Variants in CNGA3 observed in about 807,000 individuals in gnomAD.
The protein encoded by CNGA3 is cyclic nucleotide gated channel subunit alpha 3.
CNGA3 carries 42 observed loss-of-function variants against 46.6 expected under a neutral mutation model. The observed-to-expected ratio is 0.90, with a 90% CI of 0.70 to 1.17. The LOEUF is 1.17. Among genes scored for constraint, CNGA3 ranks in the 50% most tolerant of loss-of-function variants. The pLI is 0.00. For missense variants in CNGA3, 893 were observed against 890.7 expected (o/e 1.00, Z -0.03); for synonymous variants, 394 against 369.4 (o/e 1.07, Z -0.76).
Position 98,391,957 on chromosome 2 carries a change from A to G in CNGA3, c.660A>G (p.Val220=). 6.2e-7 allele frequency: 1 copy of G among 1,613,514 alleles called. No homozygotes were observed. The highest frequency in any genetic ancestry group is 8.5e-7 in the Non-Finnish European group (1 of 1,179,740). ...TCCTGTATGTCTTGGATGTGCTTGT[A>G]CGAGCTCGGACAGGTGAGTGTGCCC... The part of the protein sequence containing the change: ...ADVLYVLDVL[V]RARTGFLEQG... Residue 220 remains valine (V), a synonymous_variant, in exon 7 of 8, where the codon GTA becomes GTG. Transcript: ENST00000272602.
chr2:98,389,449 G>A (rs1173479726), intron 5 of CNGA3, among the ~76,000 whole-genome samples: 1 of 152,196 alleles, frequency 6.6e-6, no homozygotes, highest in African/African-American at 2.4e-5. Context: ...GGACTGAGCT[G>A]GGAGAGAAGG....
intron 1 of CNGA3, among the ~76,000 whole-genome samples, chr2:98,364,566 C>T (rs994155864): frequency 2.6e-5 from 4 of 152,090 alleles, no homozygotes; most frequent in African/African-American, 4.8e-5. Context: ...GACTCCTTAT[C>T]GAGCTTGCCA....
chr2:98,378,431 G>A (rs1402153009), intron 3 of CNGA3, among the ~76,000 whole-genome samples: 1 of 152,190 alleles, frequency 6.6e-6, no homozygotes, highest in Non-Finnish European at 1.5e-5. Flanking sequence ...CCGACTCACG[G>A]CAGGTGCTCA....
At chr2:98,374,645 T>A (rs1692365202) in intron 2 of CNGA3, among the ~76,000 whole-genome samples, 1 of 152,192 alleles carries the variant, frequency 6.6e-6, no homozygotes, top group Non-Finnish European at 1.5e-5. Context: ...TCCTCTCCTC[T>A]CTTCCCACCT....
chr2:98,360,272 C>T (rs571523859), intron 1 of CNGA3, among the ~76,000 whole-genome samples: 12 of 152,292 alleles, frequency 7.9e-5, no homozygotes, highest in Admixed American at 4.6e-4. Flanking sequence ...CCTAGTGGCC[C>T]TCAACAGGAG....
intron 5 of CNGA3, among the ~76,000 whole-genome samples, chr2:98,386,125 G>A (rs545953139): frequency 7.9e-5 from 12 of 152,260 alleles, no homozygotes; most frequent in African/African-American, 2.9e-4. Flanking sequence ...ACAGTGCCTG[G>A]TACATAGTAA....
At chr2:98,367,287 C>T (rs911225816) in intron 1 of CNGA3, among the ~76,000 whole-genome samples, 5 of 151,610 alleles carry the variant, frequency 3.3e-5, no homozygotes, top group African/African-American at 7.3e-5. Flanking sequence ...CTCCGCCTCC[C>T]GGGTTCACAC....
chr2:98,358,939 A>G (rs1240449082), intron 1 of CNGA3, among the ~76,000 whole-genome samples: 1 of 152,234 alleles, frequency 6.6e-6, no homozygotes, highest in Admixed American at 6.5e-5. Context: ...TAGCCCAAAT[A>G]TCTAAAAGTT....
intron 3 of CNGA3, 183 bp downstream of exon 3, chr2:98,377,983 G>A: frequency 2.0e-6 from 3 of 1,474,460 alleles, no homozygotes; most frequent in Non-Finnish European, 2.7e-6. Context: ...GATGTTCTGA[G>A]CTCAGAAAAG....
intron 4 of CNGA3, 120 bp from the exon 5 acceptor site, chr2:98,383,268 C>T: frequency 1.0e-6 from 1 of 955,262 alleles, no homozygotes; most frequent in Non-Finnish European, 1.7e-6. Context: ...GCTGTGAGTG[C>T]AAAGGCTGGA....
At chr2:98,391,998 G>T in intron 7 of CNGA3, 28 bp downstream of exon 7, 3 of 1,588,560 alleles carry the variant, frequency 1.9e-6, no homozygotes, top group South Asian at 1.1e-5. Context: ...CTGGGGAGGG[G>T]ACCATGGCCC....
At chr2:98,381,762 C>T (rs955903471) in intron 4 of CNGA3, among the ~76,000 whole-genome samples, 5 of 152,118 alleles carry the variant, frequency 3.3e-5, no homozygotes, top group Admixed American at 1.3e-4. Context: ...GGCCTGGGCG[C>T]TGGCCCAGAC....
chr2:98,353,239 T>C (rs1199664000), intron 1 of CNGA3, among the ~76,000 whole-genome samples: 2 of 151,962 alleles, frequency 1.3e-5, no homozygotes, highest in Non-Finnish European at 2.9e-5. Flanking sequence ...ATGGTATATA[T>C]ATCCTATTGG....
chr2:98,362,398 A>T (rs62156302), intron 1 of CNGA3, among the ~76,000 whole-genome samples: 1 of 150,740 alleles, frequency 6.6e-6, no homozygotes, highest in Non-Finnish European at 1.5e-5. Context: ...CCAGGCTGGT[A>T]TCGAACTCCT....
At chr2:98,355,604 T>G (rs1691862990) in intron 1 of CNGA3, among the ~76,000 whole-genome samples, 3 of 152,246 alleles carry the variant, frequency 2.0e-5, no homozygotes. Flanking sequence ...AAGATAGCAC[T>G]GACATGTCTT....
intron 1 of CNGA3, among the ~76,000 whole-genome samples, chr2:98,360,787 C>T (rs983676531): frequency 6.6e-6 from 1 of 152,168 alleles, no homozygotes; most frequent in Non-Finnish European, 1.5e-5. Context: ...GGACCTCACA[C>T]GTTCTTTGGA....
intron 3 of CNGA3, among the ~76,000 whole-genome samples, chr2:98,378,586 G>A (rs1169510757): frequency 1.3e-5 from 2 of 152,192 alleles, no homozygotes; most frequent in East Asian, 3.8e-4. Context: ...TTTTCATTAT[G>A]AAGGATGCTA....
In CNGA3 at chr2:98,362,102, C is replaced by G. The variant is rs536829859; in HGVS notation, c.-37-7837C>G. 5.3e-5 allele frequency among the ~76,000 whole-genome samples: 8 copies of G among 150,336 alleles called. No homozygotes were observed. The South Asian group carries it at 1.7e-3, about 32-fold the overall frequency. On this transcript the variant is annotated intron_variant, in intron 1 of 7. Transcript: ENST00000272602. ...TTCCCTAATGATCAGTGACGTTAAGCTTTTTTTCATATGTTTATTAGCCAC... is the reference window on the plus strand; with the variant it reads ...TTCCCTAATGATCAGTGACGTTAAGGTTTTTTTCATATGTTTATTAGCCAC...
intron 1 of CNGA3, among the ~76,000 whole-genome samples, chr2:98,348,469 C>T (rs1691694563): frequency 6.6e-6 from 1 of 152,208 alleles, no homozygotes; most frequent in Non-Finnish European, 1.5e-5. Context: ...GGAAGCTACT[C>T]AGGCTCTTTC....
Sources: gnomAD v4.1 joint callset for allele counts (sites outside exome capture counted in the v4.1 genomes callset) on GRCh38, gnomAD v4.1.1 for gene constraint, MANE v1.5 for transcripts, NCBI Gene and HGNC (gene_info 2026-07-23, HGNC 2026-07-21) for gene names.